Variants in CPB2 observed in about 807,000 individuals in gnomAD.
CPB2 encodes the protein carboxypeptidase B-like protein.
In CPB2, 54 loss-of-function variants were observed where a neutral mutation model predicts 57.0. The ratio of observed to expected loss-of-function variants is 0.95; its 90% CI spans 0.76 to 1.19. CPB2 has a LOEUF of 1.19. Among genes scored for constraint, CPB2 ranks in the 50% most tolerant of loss-of-function variants. CPB2 has a pLI of 0.00. For synonymous variants in CPB2, 189 were observed against 178.1 expected (o/e 1.06, Z -0.49); for missense variants, 426 against 512.0 (o/e 0.83, Z 1.62).
chr13:46,065,496 G>T (rs1027738502), intron 7 of CPB2, among the ~76,000 whole-genome samples: 9 of 151,866 alleles, frequency 5.9e-5, no homozygotes, highest in African/African-American at 1.7e-4. Flanking sequence ...GCGTGGTGGC[G>T]GGCACCTGTA....
chr13:46,095,870 A>G (rs2139420293), intron 1 of CPB2, among the ~76,000 whole-genome samples: 1 of 138,912 alleles, frequency 7.2e-6, no homozygotes, highest in South Asian at 2.2e-4. Context: ...GACTCTGGCT[A>G]TAGGACTTTT....
chr13:46,058,244 A>G lies in CPB2; in HGVS notation c.934T>C (p.Tyr312His), dbSNP rs2044723623. Residue 312 changes from tyrosine to histidine, a missense_variant, in exon 9 of 11, where the codon TAC becomes CAC. Tyr to His is a moderately conservative substitution (Grantham distance 83, BLOSUM62 2). Coordinates refer to ENST00000181383, the MANE Select transcript of CPB2 (RefSeq NM_001872.5). The stretch of plus-strand genomic sequence containing the variant: ...TATGGAAACACTATATGCTGGGAGT[A>G]TGAATGCATGCTGATGTATGCTTTA... ...QIKAYISMHS[Y>H]SQHIVFPYSY... 1.9e-6 allele frequency: 3 copies of G among 1,614,104 alleles called. No homozygotes were observed. Among genetic ancestry groups the G allele is most frequent in the East Asian group, 4.5e-5 (2 of 44,882 alleles).
intron 1 of CPB2, among the ~76,000 whole-genome samples, chr13:46,094,526 G>A (rs2045338864): frequency 6.6e-6 from 1 of 152,160 alleles, no homozygotes; most frequent in African/African-American, 2.4e-5. Flanking sequence ...TACAGGACAT[G>A]CCATTACAGA....
chr13:46,087,680 G>T, intron 2 of CPB2, 65 bp downstream of exon 2: 1 of 1,064,112 alleles, frequency 9.4e-7, no homozygotes. Context: ...CATACAGGAG[G>T]AAACTCAACA....
chr13:46,075,699 C>G (rs1395542283), intron 5 of CPB2, among the ~76,000 whole-genome samples: 1 of 152,176 alleles, frequency 6.6e-6, no homozygotes, highest in Non-Finnish European at 1.5e-5. Context: ...CTTTGAATGA[C>G]TGAAGAGGCT....
chr13:46,102,465 T>C (rs1017942844), intron 1 of CPB2, among the ~76,000 whole-genome samples: 1 of 148,138 alleles, frequency 6.8e-6, no homozygotes, highest in Non-Finnish European at 1.5e-5. Context: ...CTGATGAAAT[T>C]TATCAAAATG....
intron 2 of CPB2, 40 bp downstream of exon 2, chr13:46,087,702 TACA>T: frequency 7.2e-7 from 1 of 1,381,958 alleles, no homozygotes; most frequent in South Asian, 1.2e-5. Flanking sequence ...CCAGTGCTTA[TACA>T]AAGTGAAACC....
chr13:46,061,486 G>A (rs1195528169), intron 8 of CPB2, among the ~76,000 whole-genome samples: 13 of 152,142 alleles, frequency 8.5e-5, no homozygotes, highest in Non-Finnish European at 1.5e-5. Context: ...CATAGGCATG[G>A]GGCTCTAATC....
chr13:46,071,518 A>G (rs2044942105), intron 6 of CPB2, among the ~76,000 whole-genome samples: 1 of 152,220 alleles, frequency 6.6e-6, no homozygotes, highest in Non-Finnish European at 1.5e-5. Context: ...CTGTGAAGAT[A>G]CATTGTTAGG....
chr13:46,060,991 G>A (rs1566397975), intron 8 of CPB2, among the ~76,000 whole-genome samples: 1 of 152,120 alleles, frequency 6.6e-6, no homozygotes, highest in South Asian at 2.1e-4. Flanking sequence ...CAAATTCATA[G>A]AGACAGAAAG....
intron 9 of CPB2, 41 bp downstream of exon 9, chr13:46,058,138 T>G: frequency 6.4e-7 from 1 of 1,564,976 alleles, no homozygotes; most frequent in Non-Finnish European, 8.7e-7. Flanking sequence ...ATTATTTTAT[T>G]TCCAAAATGC....
At chr13:46,080,971 C>CAAAAAA (rs11412601) in intron 4 of CPB2, among the ~76,000 whole-genome samples, 1 of 98,650 alleles carries the variant, frequency 1.0e-5, no homozygotes, top group Non-Finnish European at 2.0e-5. Flanking sequence ...AACTCTGTCT[C>CAAAAAA]AAAAAAAAAA....
intron 1 of CPB2, among the ~76,000 whole-genome samples, chr13:46,102,540 CAAAAA>C (rs10624204): frequency 0.019 from 2,098 of 108,206 alleles, 37 homozygotes; most frequent in African/African-American, 0.067. Flanking sequence ...ATGATTATGA[CAAAAA>C]AAAAAAAAAA....
At chr13:46,073,417 T>C (rs927503137) in intron 6 of CPB2, 8 of 895,800 alleles carry the variant, frequency 8.9e-6, no homozygotes, top group East Asian at 1.2e-4. Flanking sequence ...TTCCCTATTA[T>C]GACATATGAG....
At chr13:46,065,544 A>G (rs1031933224) in intron 7 of CPB2, among the ~76,000 whole-genome samples, 18 of 147,434 alleles carry the variant, frequency 1.2e-4, no homozygotes, top group African/African-American at 4.3e-4. Context: ...AGAGAATGGC[A>G]TGAACCTGGG....
At chr13:46,097,448 C>T (rs547829203) in intron 1 of CPB2, 2 of 152,300 alleles carry the variant, frequency 1.3e-5, no homozygotes, top group African/African-American at 2.4e-5. Context: ...GGGTTTATCT[C>T]GCCTGCCTGT....
chr13:46,073,899 C>T lies in CPB2; in HGVS notation c.565G>A (p.Ala189Thr), dbSNP rs1168031728. 1 of 1,581,588 alleles carries T rather than the reference C, an allele frequency of 6.3e-7. No individual in the cohort carries two copies. Residue 189 changes from alanine to threonine, a missense_variant, in exon 6 of 11, where the codon GCT becomes ACT. Ala to Thr is a moderately conservative substitution (Grantham distance 58). Transcript: ENST00000181383. ...GIHAREWISPAFCLWFIGHIT... is the reference protein window; with the variant it reads ...GIHAREWISPTFCLWFIGHIT... Reference sequence around the variant, plus strand: ...TGGCCTATGAACCACAAGCAGAAAGCAGGAGAGATCCATTCTCTGGCATGG... The same window carrying T: ...TGGCCTATGAACCACAAGCAGAAAGTAGGAGAGATCCATTCTCTGGCATGG...
rs2045161401 is a variant in CPB2, at chr13:46,084,105, A to G, written c.275+114T>C. 41 of 1,292,732 alleles carry G rather than the reference A, an allele frequency of 3.2e-5. No homozygotes were observed. The South Asian group carries it at 3.7e-4, about 12-fold the overall frequency. The allele number at this position is 1,292,732 out of a possible 1,614,324, so 80.1% of individuals were successfully genotyped here. A position where few individuals can be genotyped will look rare whatever the true frequency, so the allele number is the denominator to read the frequency against. On this transcript the variant is annotated intron_variant, in intron 3 of 10. Transcript: ENST00000181383. ...CCATTTGGTCCAGTCAGAGACTTCT[A>G]TGCTGCCATGGTTAATACATTTTAT...
intron 9 of CPB2, 106 bp from the exon 10 acceptor site, chr13:46,055,955 G>A: frequency 3.5e-6 from 2 of 570,918 alleles, no homozygotes; most frequent in African/African-American, 1.9e-5. Context: ...AAGTATACAG[G>A]TAGAAAATCT....
Sources: allele counts gnomAD v4.1 joint callset (sites outside exome capture counted in the v4.1 genomes callset), GRCh38; gene constraint gnomAD v4.1.1; transcripts MANE v1.5; gene names NCBI Gene and HGNC (gene_info 2026-07-23, HGNC 2026-07-21).